Variants in PTPRN2 observed in about 807,000 individuals in gnomAD.
The protein encoded by PTPRN2 is receptor-type tyrosine-protein phosphatase N2.
PTPRN2 carries 74 observed loss-of-function variants against 118.8 expected under a neutral mutation model. The observed-to-expected ratio is 0.62, with a 90% CI of 0.52 to 0.76. The LOEUF (loss-of-function observed/expected upper bound fraction) is 0.76. Among genes scored for constraint, PTPRN2 ranks in the 30% least tolerant of loss-of-function variants. PTPRN2 has a pLI of 0.00. For synonymous variants in PTPRN2, 641 were observed against 608.0 expected (o/e 1.05, Z -0.80); for missense variants, 1,481 against 1,394.4 (o/e 1.06, Z -0.99).
intron 3 of PTPRN2, among the ~76,000 whole-genome samples, chr7:158,298,774 C>T (rs947749033): frequency 1.4e-4 from 22 of 152,190 alleles, no homozygotes; most frequent in Non-Finnish European, 3.2e-4. Context: ...CCTGGGGTTG[C>T]CTGTCCTCTC....
At chr7:157,920,528 C>A (rs546535686) in intron 11 of PTPRN2, among the ~76,000 whole-genome samples, 2 of 152,238 alleles carry the variant, frequency 1.3e-5, no homozygotes, top group Non-Finnish European at 2.9e-5. Context: ...ACATGAAGTT[C>A]TAGCCAGCGA....
At chr7:157,954,932 C>G (rs1208778783) in intron 11 of PTPRN2, among the ~76,000 whole-genome samples, 3 of 152,178 alleles carry the variant, frequency 2.0e-5, no homozygotes, top group East Asian at 3.9e-4. Flanking sequence ...AAATACTAGA[C>G]TTAAAATTTA....
chr7:158,054,024 C>CCCCAGAGA (rs1228609942), intron 11 of PTPRN2, among the ~76,000 whole-genome samples: 2 of 124,074 alleles, frequency 1.6e-5, no homozygotes, highest in African/African-American at 8.0e-5. Context: ...GACGCAGAGA[C>CCCCAGAGA]TCCAGAGATG....
At chr7:158,154,400 C>T (rs1355856992) in intron 6 of PTPRN2, among the ~76,000 whole-genome samples, 1 of 152,198 alleles carries the variant, frequency 6.6e-6, no homozygotes, top group Non-Finnish European at 1.5e-5. Flanking sequence ...TGCTAATGCT[C>T]AGTATTTGTT....
rs56016358 is a variant in PTPRN2, at chr7:158,203,225, C to CAAA, written c.380+1943_380+1945dup. Among the ~76,000 whole-genome samples the CAAA allele has an allele frequency of 1.4e-3, 71 of 50,328 alleles. 3 individuals are homozygous for CAAA. Among genetic ancestry groups the CAAA allele is most frequent in the African/African-American group, 3.5e-3 (54 of 15,370 alleles). 33.0% of individuals were successfully genotyped at this position (50,328 alleles called of 152,430 possible). ...CCGGCCTAGGTGATGAAGCAAGAGC[C>CAAA]AAAAAAAAAAAAAAAAAAAAAAAAA... On this transcript the variant is annotated intron_variant, in intron 4 of 22. Coordinates refer to ENST00000389418, the MANE Select transcript of PTPRN2 (RefSeq NM_002847.5).
At chr7:158,207,376 A>G (rs1381012146) in intron 3 of PTPRN2, among the ~76,000 whole-genome samples, 3 of 152,086 alleles carry the variant, frequency 2.0e-5, no homozygotes, top group Admixed American at 1.3e-4. Context: ...TCCCTGAGGA[A>G]TCGCCACACT....
At chr7:158,510,102 C>T (rs1003451926) in intron 1 of PTPRN2, among the ~76,000 whole-genome samples, 3 of 152,186 alleles carry the variant, frequency 2.0e-5, no homozygotes, top group African/African-American at 7.2e-5. Context: ...GAGAGAGACA[C>T]CTCAGAGCCT....
In PTPRN2 at chr7:158,331,952, CGAT is replaced by C. The variant is rs376750571; in HGVS notation, c.164-15023_164-15021del. On this transcript the variant is annotated intron_variant, in intron 2 of 22. Transcript: ENST00000389418. Reference sequence around the variant, plus strand: ...GATGTCACTCACACTCACACTCCCACGATAAGAGCTGACAACTGAAGACGTCAC... The same window carrying C: ...GATGTCACTCACACTCACACTCCCACAAGAGCTGACAACTGAAGACGTCAC... Among the ~76,000 whole-genome samples, 1,260 of 146,026 alleles carry C rather than the reference CGAT, an allele frequency of 8.6e-3. 36 individuals carry two copies. The highest frequency in any genetic ancestry group is 0.034 in the African/African-American group (1,207 of 35,676).
chr7:157,822,369 CATCCACCTACTCATCT>C (rs1293119428), intron 12 of PTPRN2, among the ~76,000 whole-genome samples: 6 of 151,758 alleles, frequency 4.0e-5, no homozygotes, highest in African/African-American at 1.2e-4. Flanking sequence ...ATACACTATC[CATCCACCTACTCATCT>C]ATCCATCTAT....
chr7:157,841,817 C>T (rs115776496), intron 12 of PTPRN2, among the ~76,000 whole-genome samples: 167 of 152,306 alleles, frequency 1.1e-3, no homozygotes, highest in African/African-American at 3.9e-3. Context: ...GACGTCCTCT[C>T]TGGTTATCAG....
At chr7:158,376,731 C>G (rs1810556484) in intron 2 of PTPRN2, among the ~76,000 whole-genome samples, 1 of 129,814 alleles carries the variant, frequency 7.7e-6, no homozygotes, top group African/African-American at 3.0e-5. Flanking sequence ...TCCCACAGCC[C>G]TGTCACACGT....
At chr7:158,280,558 C>G (rs1323073688) in intron 3 of PTPRN2, among the ~76,000 whole-genome samples, 3 of 152,120 alleles carry the variant, frequency 2.0e-5, no homozygotes, top group Non-Finnish European at 4.4e-5. Context: ...TCATAGCAGC[C>G]CTGAGATACC....
chr7:158,064,735 C>G lies in PTPRN2; in HGVS notation c.1723+16563G>C, dbSNP rs559152165. Reference sequence around the variant, plus strand: ...TGGTGGGGGGGACATTTTCTACTTGCAGGGGAGGGAAGAGAAAGGGTCACC... The same window carrying G: ...TGGTGGGGGGGACATTTTCTACTTGGAGGGGAGGGAAGAGAAAGGGTCACC... On this transcript the variant is annotated intron_variant, in intron 11 of 22. Coordinates refer to ENST00000389418, the MANE Select transcript of PTPRN2 (RefSeq NM_002847.5). Among the ~76,000 whole-genome samples the G allele has an allele frequency of 6.4e-4, 98 of 152,190 alleles. 1 individual carries two copies. The highest frequency in any genetic ancestry group is 2.2e-3 in the African/African-American group (92 of 41,510).
chr7:158,170,980 C>CAT lies in PTPRN2; in HGVS notation c.550-3691_550-3690dup, dbSNP rs767318502. Among the ~76,000 whole-genome samples, 956 of 146,840 alleles carry CAT rather than the reference C, an allele frequency of 6.5e-3. 9 individuals carry two copies. The highest frequency in any genetic ancestry group is 0.023 in the African/African-American group (890 of 39,332). On this transcript the variant is annotated intron_variant, in intron 5 of 22. Coordinates refer to ENST00000389418, the MANE Select transcript of PTPRN2 (RefSeq NM_002847.5). ...ACCTTATCCTTCATATATATACATA[C>CAT]ATATATATATACACATACATATATA...
rs1585122011 is a variant in PTPRN2, at chr7:157,619,595, G to A, written c.2344+1767C>T. Among the ~76,000 whole-genome samples, 1 of 152,212 alleles carries A rather than the reference G, an allele frequency of 6.6e-6. No homozygotes were observed. The highest frequency in any genetic ancestry group is 1.9e-4 in the East Asian group (1 of 5,204). ...AAAATTTATAAATCACACAGCTTCT[G>A]TTTTTAGATCTCTTTAGGGTTAAAA... On this transcript the variant is annotated intron_variant, in intron 15 of 22. Transcript: ENST00000389418. The surrounding 1 kb of genome is among the most constrained non-coding windows in gnomAD (Gnocchi z 5.3).
rs190846937 is a variant in PTPRN2, at chr7:158,025,011, C to A, written c.1723+56287G>T. Among the ~76,000 whole-genome samples, 393 of 152,268 alleles carry A rather than the reference C, an allele frequency of 2.6e-3. 2 individuals are homozygous for A. The highest frequency in any genetic ancestry group is 2.5e-3 in the Non-Finnish European group (173 of 68,022). On this transcript the variant is annotated intron_variant, in intron 11 of 22. Coordinates refer to ENST00000389418, the MANE Select transcript of PTPRN2 (RefSeq NM_002847.5). ...GGTGGTTTGTGAATGTCAGAATAAG[C>A]TTTTCTTCTCAGATGGGTAAGCGGG...
At position 158,316,824 on chromosome 7, in the gene PTPRN2, C is replaced by T. The variant is rs748891209; in HGVS notation, c.272G>A (p.Gly91Asp). Residue 91 changes from glycine to aspartate, a missense_variant, in exon 3 of 23, where the codon GGC (glycine) becomes GAC (aspartate). Gly to Asp is a moderately conservative substitution (Grantham distance 94). Coordinates refer to ENST00000389418, the MANE Select transcript of PTPRN2 (RefSeq NM_002847.5). The part of the protein sequence containing the change: ...RLRVALQKLS[G>D]TGFTWQDDYT... Reference sequence around the variant, plus strand: ...TCGGCCCACGCCCGCCCTACCTGTGCCGGAAAGCTTCTGCAACGCCACGCG... The same window carrying T: ...TCGGCCCACGCCCGCCCTACCTGTGTCGGAAAGCTTCTGCAACGCCACGCG... 1.2e-6 allele frequency: 2 copies of T among 1,600,736 alleles called. No individual in the cohort carries two copies. The highest frequency in any genetic ancestry group is 2.2e-5 in the South Asian group (2 of 90,296).
intron 3 of PTPRN2, among the ~76,000 whole-genome samples, chr7:158,266,636 G>A (rs1043107334): frequency 3.3e-5 from 5 of 152,196 alleles, no homozygotes; most frequent in South Asian, 2.1e-4. Flanking sequence ...CCCAGCAGCA[G>A]CGGCCTCAGG....
rs1802680437 is a variant in PTPRN2 at position 157,615,224 on chromosome 7, G to A, written c.2344+6138C>T. Reference sequence around the variant, plus strand: ...TTCCACTTGAGTGTTTAAAACTCTTGTAATAAAAAGTGGGGGAGGAAGTCA... The same window carrying A: ...TTCCACTTGAGTGTTTAAAACTCTTATAATAAAAAGTGGGGGAGGAAGTCA... On this transcript the variant is annotated intron_variant, in intron 15 of 22. Transcript: ENST00000389418. The surrounding 1 kb of genome is among the most constrained non-coding windows in gnomAD (Gnocchi z 4.3). 6.6e-6 allele frequency among the ~76,000 whole-genome samples: 1 copy of A among 152,208 alleles called. No homozygotes were observed. The highest frequency in any genetic ancestry group is 1.5e-5 in the Non-Finnish European group (1 of 68,032).
Sources: gnomAD v4.1 joint callset for allele counts (sites outside exome capture counted in the v4.1 genomes callset) on GRCh38, gnomAD v4.1.1 for gene constraint, Gnocchi (gnomAD v3.1) non-coding constraint, MANE v1.5 for transcripts, NCBI Gene and HGNC (gene_info 2026-07-23, HGNC 2026-07-21) for gene names.